TBX20: variants seen among roughly 807,000 people sequenced by gnomAD.
TBX20 encodes T-box transcription factor TBX20.
Under a neutral mutation model 42.9 loss-of-function variants are expected in TBX20, and 8 were observed. The ratio of observed to expected loss-of-function variants is 0.19; its 90% CI spans 0.11 to 0.34. TBX20 has a LOEUF of 0.34. Ranked by LOEUF, TBX20 falls within the 10% of genes least tolerant of loss-of-function variation. TBX20 has a pLI of 1.00. For missense variants in TBX20, 411 were observed against 566.0 expected (o/e 0.73, Z 2.78); for synonymous variants, 198 against 222.8 (o/e 0.89, Z 0.99).
Position 35,250,172 on chromosome 7 carries a change from C to T in TBX20, c.159G>A (p.Gln53=). 1 of 1,614,096 alleles carries T rather than the reference C, an allele frequency of 6.2e-7. No individual in the cohort carries two copies. The highest frequency in any genetic ancestry group is 1.1e-5 in the South Asian group (1 of 91,044). Reference sequence around the variant, plus strand: ...CCAGGCTGGTCAGCTCACCCAGGGGCTGGGCACAGGACGACTTCTCCACAA... The same window carrying T: ...CCAGGCTGGTCAGCTCACCCAGGGGTTGGGCACAGGACGACTTCTCCACAA... ...EQFVEKSSCA[Q]PLGELTSLDA... Residue 53 remains glutamine (Q), a synonymous_variant, in exon 2 of 8, where the codon CAG becomes CAA. Transcript: ENST00000408931.
chr7:35,210,844 A>T (rs1212135811), intron 6 of TBX20, among the ~76,000 whole-genome samples: 1 of 152,158 alleles, frequency 6.6e-6, no homozygotes, highest in Non-Finnish European at 1.5e-5. Flanking sequence ...ATTCAAACTG[A>T]CAATCTCTGC....
chr7:35,241,337 T>A (rs117847799), intron 4 of TBX20, among the ~76,000 whole-genome samples: 3 of 152,372 alleles, frequency 2.0e-5, no homozygotes, highest in East Asian at 3.9e-4. Flanking sequence ...AAAAATCACG[T>A]CTTTTAAATA....
At position 35,214,934 on chromosome 7, in the gene TBX20, T is replaced by A. The variant is rs545176487; in HGVS notation, c.891-10352A>T. Among the ~76,000 whole-genome samples the A allele has an allele frequency of 5.1e-4, 78 of 152,298 alleles. 1 individual carries two copies. The highest frequency in any genetic ancestry group is 1.6e-3 in the African/African-American group (67 of 41,564). On this transcript the variant is annotated intron_variant, in intron 6 of 7. Coordinates refer to ENST00000408931, the MANE Select transcript of TBX20 (RefSeq NM_001077653.2). ...AATTCTGGATGGTGTTTTTCTAAGGTGTATTCCTCTTCCCACAAATTGCAC... is the reference window on the plus strand; with the variant it reads ...AATTCTGGATGGTGTTTTTCTAAGGAGTATTCCTCTTCCCACAAATTGCAC...
intron 6 of TBX20, among the ~76,000 whole-genome samples, chr7:35,222,895 C>T (rs916980976): frequency 9.9e-5 from 15 of 152,264 alleles, no homozygotes; most frequent in African/African-American, 3.6e-4. Context: ...GCAATGTGAT[C>T]AAACTTCCTT....
intron 6 of TBX20, among the ~76,000 whole-genome samples, chr7:35,207,979 T>G (rs1486302452): frequency 1.3e-5 from 2 of 152,220 alleles, no homozygotes; most frequent in East Asian, 3.8e-4. Context: ...CAAAAAAGAC[T>G]CCTGTGATTT....
At chr7:35,219,385 AT>A (rs1319523319) in intron 6 of TBX20, among the ~76,000 whole-genome samples, 1 of 152,256 alleles carries the variant, frequency 6.6e-6, no homozygotes, top group African/African-American at 2.4e-5. Flanking sequence ...CCGTGTTCCA[AT>A]AAAACTGTAT....
chr7:35,216,496 GAATT>G (rs2128711457), intron 6 of TBX20, among the ~76,000 whole-genome samples: 1 of 152,382 alleles, frequency 6.6e-6, no homozygotes, highest in Admixed American at 6.5e-5. Flanking sequence ...AAGATTAAGT[GAATT>G]AATACACAGA....
At chr7:35,221,972 C>T (rs946844539) in intron 6 of TBX20, among the ~76,000 whole-genome samples, 1 of 152,052 alleles carries the variant, frequency 6.6e-6, no homozygotes, top group Non-Finnish European at 1.5e-5. Context: ...GGAGTAGTAT[C>T]CTATTTTATA....
intron 6 of TBX20, among the ~76,000 whole-genome samples, chr7:35,214,995 A>T (rs964793229): frequency 9.2e-5 from 14 of 152,266 alleles, no homozygotes; most frequent in South Asian, 2.1e-4. Flanking sequence ...TTTGTTTTTT[A>T]AAAAAAGAGT....
chr7:35,218,282 T>C (rs1401037699), intron 6 of TBX20, among the ~76,000 whole-genome samples: 2 of 152,170 alleles, frequency 1.3e-5, no homozygotes, highest in Non-Finnish European at 2.9e-5. Flanking sequence ...TCTGTAAATA[T>C]ATAAACAAAA....
intron 6 of TBX20, among the ~76,000 whole-genome samples, chr7:35,213,393 G>A (rs1262511417): frequency 6.6e-6 from 1 of 152,132 alleles, no homozygotes; most frequent in Non-Finnish European, 1.5e-5. Flanking sequence ...CAATGAGCAG[G>A]CAAGTTTAGA....
At chr7:35,251,702 C>T (rs73099185) in intron 1 of TBX20, among the ~76,000 whole-genome samples, 56,099 of 152,048 alleles carry the variant, frequency 0.37, 10,656 homozygotes, top group Admixed American at 0.46. Context: ...GAAGCTGTTC[C>T]TTTAAATAGA....
intron 3 of TBX20, among the ~76,000 whole-genome samples, chr7:35,247,529 C>T (rs1352526755): frequency 9.9e-5 from 15 of 152,044 alleles, no homozygotes; most frequent in Admixed American, 5.9e-4. Context: ...ACTTAGCATA[C>T]GATAAACTCA....
At chr7:35,216,115 C>G (rs796409523) in intron 6 of TBX20, among the ~76,000 whole-genome samples, 1 of 152,120 alleles carries the variant, frequency 6.6e-6, no homozygotes, top group East Asian at 1.9e-4. Context: ...TGGCCCTTGA[C>G]TGAAAGTAAT....
At chr7:35,215,907 A>G (rs1483576555) in intron 6 of TBX20, among the ~76,000 whole-genome samples, 1 of 152,188 alleles carries the variant, frequency 6.6e-6, no homozygotes, top group Non-Finnish European at 1.5e-5. Flanking sequence ...CTGCACTCTT[A>G]TCAGTACTGA....
intron 2 of TBX20, 107 bp from the exon 3 acceptor site, chr7:35,248,948 T>A: frequency 7.5e-7 from 1 of 1,332,808 alleles, no homozygotes; most frequent in Non-Finnish European, 1.1e-6. Context: ...AGGGTCTGAC[T>A]CCCCTCTCTA....
intron 5 of TBX20, among the ~76,000 whole-genome samples, chr7:35,233,567 T>G (rs1789907513): frequency 6.6e-6 from 1 of 152,252 alleles, no homozygotes; most frequent in Non-Finnish European, 1.5e-5. Context: ...AAGCCTTGTT[T>G]CATCCACTTA....
At position 35,253,739 on chromosome 7, in the gene TBX20, C is replaced by A. The variant is rs1790353821; in HGVS notation, c.-119G>T. On this transcript the variant is annotated 5_prime_UTR_variant, in exon 1 of 8. Coordinates refer to ENST00000408931, the MANE Select transcript of TBX20 (RefSeq NM_001077653.2). The stretch of plus-strand genomic sequence containing the variant: ...GTTTCCGAGAGCAGTCACAGCGGGG[C>A]CAGGGACTCCAGAAGTGTCAGCTCC... 6 of 1,326,292 alleles carry A rather than the reference C, an allele frequency of 4.5e-6. No individual in the cohort carries two copies. The East Asian group carries it at 1.2e-4, about 26-fold the overall frequency. 82.2% of individuals were successfully genotyped at this position (1,326,292 alleles called of 1,614,324 possible).
chr7:35,227,713 C>T (rs1234395718), intron 6 of TBX20, among the ~76,000 whole-genome samples: 1 of 152,098 alleles, frequency 6.6e-6, no homozygotes, highest in African/African-American at 2.4e-5. Flanking sequence ...TTAAGTGACT[C>T]ATGACTATAC....
Sources: allele counts gnomAD v4.1 joint callset (sites outside exome capture counted in the v4.1 genomes callset), GRCh38; gene constraint gnomAD v4.1.1; transcripts MANE v1.5; gene names NCBI Gene and HGNC (gene_info 2026-07-23, HGNC 2026-07-21).